Variants in ASAP1 observed in about 807,000 individuals in gnomAD.
The protein encoded by ASAP1 is ArfGAP with SH3 domain, ankyrin repeat and PH domain 1.
ASAP1 carries 43 observed loss-of-function variants against 145.2 expected under a neutral mutation model. The observed-to-expected ratio is 0.30, with a 90% CI of 0.23 to 0.38. The LOEUF (loss-of-function observed/expected upper bound fraction) is 0.38, where lower values mean the gene tolerates loss of function less well. Ranked by LOEUF, ASAP1 falls within the 10% of genes least tolerant of loss-of-function variation. The probability of loss-of-function intolerance (pLI) is 1.00; values close to 1 mark genes in which losing one functional copy is unlikely to be tolerated. For synonymous variants in ASAP1, 546 were observed against 515.5 expected (o/e 1.06, Z -0.80); for missense variants, 1,018 against 1,355.3 (o/e 0.75, Z 3.91).
At position 130,358,641 on chromosome 8, in the gene ASAP1, C is replaced by T. The variant is rs921346806; in HGVS notation, c.60-498G>A. On this transcript the variant is annotated intron_variant, in intron 2 of 29. Transcript: ENST00000518721. This position sits in a 1 kb window ranked among gnomAD's most constrained non-coding sequence, Gnocchi z 4.1. ...GGCGGGCGGGCGGGCGGCGCTCGCGCTGCAGTCACGGGGCCAAACAAGGAA... is the reference window on the plus strand; with the variant it reads ...GGCGGGCGGGCGGGCGGCGCTCGCGTTGCAGTCACGGGGCCAAACAAGGAA... 2.3e-4 allele frequency among the ~76,000 whole-genome samples: 34 copies of T among 147,236 alleles called. No individual in the cohort carries two copies. Among genetic ancestry groups the T allele is most frequent in the African/African-American group, 7.8e-4 (32 of 41,038 alleles).
intron 9 of ASAP1, among the ~76,000 whole-genome samples, chr8:130,176,400 G>A (rs1469719105): frequency 6.6e-6 from 1 of 152,202 alleles, no homozygotes; most frequent in Non-Finnish European, 1.5e-5. Context: ...CTGGCTTCTT[G>A]CTATGATAGA....
chr8:130,152,088 T>C (rs1009529929), intron 13 of ASAP1, among the ~76,000 whole-genome samples: 2 of 152,212 alleles, frequency 1.3e-5, no homozygotes, highest in African/African-American at 2.4e-5. Flanking sequence ...ACATAATAAA[T>C]GCTCATCTCT....
intron 3 of ASAP1, among the ~76,000 whole-genome samples, chr8:130,245,819 T>C (rs992834493): frequency 3.9e-5 from 6 of 152,192 alleles, no homozygotes; most frequent in Admixed American, 3.9e-4. Flanking sequence ...TACTATTTGT[T>C]TTAATGCCTT....
intron 1 of ASAP1, among the ~76,000 whole-genome samples, chr8:130,443,247 C>A (rs1360412053): frequency 2.6e-5 from 4 of 151,916 alleles, no homozygotes; most frequent in African/African-American, 9.7e-5. Flanking sequence ...CGCCCGGCCC[C>A]GCAGAGCCTG....
At chr8:130,098,549 T>C (rs2097523092) in intron 24 of ASAP1, among the ~76,000 whole-genome samples, 1 of 152,176 alleles carries the variant, frequency 6.6e-6, no homozygotes, top group Admixed American at 6.5e-5. Flanking sequence ...TTTCACCATG[T>C]TGGCCACCTA....
intron 2 of ASAP1, among the ~76,000 whole-genome samples, chr8:130,368,398 C>T (rs1827059427): frequency 6.6e-6 from 1 of 152,212 alleles, no homozygotes; most frequent in Admixed American, 6.5e-5. Flanking sequence ...GCAGTTCAGA[C>T]AGACTTTTAG....
chr8:130,295,285 AG>A (rs1182624637), intron 3 of ASAP1, among the ~76,000 whole-genome samples: 1 of 152,150 alleles, frequency 6.6e-6, no homozygotes, highest in African/African-American at 2.4e-5. Flanking sequence ...TGTCTCACAA[AG>A]AAAAGTCCTA....
intron 15 of ASAP1, among the ~76,000 whole-genome samples, chr8:130,129,214 A>G (rs2097579674): frequency 6.6e-6 from 1 of 152,232 alleles, no homozygotes; most frequent in Non-Finnish European, 1.5e-5. Flanking sequence ...CTGTGAGTCA[A>G]TTAAACTTCT....
chr8:130,255,641 T>C (rs539968361), intron 3 of ASAP1, among the ~76,000 whole-genome samples: 8 of 152,148 alleles, frequency 5.3e-5, no homozygotes, highest in Admixed American at 3.3e-4. Flanking sequence ...TAACAAAAAG[T>C]TGCTTTTATG....
chr8:130,195,291 T>A (rs567932523), intron 5 of ASAP1: 1 of 148,258 alleles, frequency 6.7e-6, no homozygotes, highest in Non-Finnish European at 1.5e-5. Context: ...ATCCAAGCAA[T>A]TGGCGGGGGC....
intron 27 of ASAP1, 90 bp from the exon 28 acceptor site, chr8:130,061,159 G>A: frequency 6.8e-7 from 1 of 1,478,402 alleles, no homozygotes; most frequent in East Asian, 2.3e-5. Context: ...ATCATGAAGG[G>A]AACTGACCTA....
At chr8:130,252,379 T>G (rs1452687272) in intron 3 of ASAP1, among the ~76,000 whole-genome samples, 2 of 152,200 alleles carry the variant, frequency 1.3e-5, no homozygotes, top group Non-Finnish European at 2.9e-5. Flanking sequence ...TAAAATAATT[T>G]CCTTATACAA....
At chr8:130,149,142 A>G (rs11787251) in intron 13 of ASAP1, among the ~76,000 whole-genome samples, 7,998 of 149,926 alleles carry the variant, frequency 0.053, 280 homozygotes, top group Middle Eastern at 0.079. Context: ...GGCATGAGCC[A>G]CCGCGCCTGG....
chr8:130,245,628 C>T (rs1818802031), intron 3 of ASAP1, among the ~76,000 whole-genome samples: 1 of 152,192 alleles, frequency 6.6e-6, no homozygotes, highest in Admixed American at 6.5e-5. Context: ...AAAGTCTGCT[C>T]TCCTACGTAG....
At chr8:130,077,528 C>T (rs11774131) in intron 26 of ASAP1, among the ~76,000 whole-genome samples, 8,313 of 138,754 alleles carry the variant, frequency 0.06, 325 homozygotes, top group Middle Eastern at 0.09. Flanking sequence ...TTGGTTGCTG[C>T]TGCTGCTGCT....
intron 3 of ASAP1, 135 bp from the exon 4 acceptor site, chr8:130,237,129 G>A (rs1422474944): frequency 3.2e-6 from 2 of 628,310 alleles, no homozygotes; most frequent in East Asian, 5.6e-5. Context: ...CATTAACAAT[G>A]AATCATATCA....
intron 4 of ASAP1, among the ~76,000 whole-genome samples, chr8:130,235,459 C>T (rs991714657): frequency 3.3e-5 from 5 of 152,122 alleles, no homozygotes; most frequent in Admixed American, 3.3e-4. Flanking sequence ...TTTGTGGCAT[C>T]TCCTAGTTAT....
chr8:130,381,800 A>G (rs1827781740), intron 2 of ASAP1, among the ~76,000 whole-genome samples: 1 of 152,036 alleles, frequency 6.6e-6, no homozygotes, highest in African/African-American at 2.4e-5. Flanking sequence ...CACCCCCCTG[A>G]GGGCCTTTGC....
At chr8:130,063,203 G>T (rs544997345) in intron 27 of ASAP1, among the ~76,000 whole-genome samples, 2 of 152,148 alleles carry the variant, frequency 1.3e-5, no homozygotes, top group East Asian at 3.9e-4. Flanking sequence ...TTGAGACAGG[G>T]TCTCCCTCTG....
Sources: gnomAD v4.1 joint callset for allele counts (sites outside exome capture counted in the v4.1 genomes callset) on GRCh38, gnomAD v4.1.1 for gene constraint, Gnocchi (gnomAD v3.1) non-coding constraint, MANE v1.5 for transcripts, NCBI Gene and HGNC (gene_info 2026-07-23, HGNC 2026-07-21) for gene names.